The following EEIG2 variants were observed in gnomAD, a reference collection of about 807,000 sequenced individuals.
The protein encoded by EEIG2 is family with sequence similarity 102 member B.
the EEIG2 span, among the ~76,000 whole-genome samples, chr1:108,562,410 A>G: frequency 6.6e-6 from 1 of 152,192 alleles, no homozygotes; most frequent in African/African-American, 2.4e-5. Flanking sequence ...GATCAATTTG[A>G]TTTTAAGTAA....
At chr1:108,566,828 A>G in the EEIG2 span, among the ~76,000 whole-genome samples, 2 of 152,198 alleles carry the variant, frequency 1.3e-5, no homozygotes, top group African/African-American at 4.8e-5. Context: ...GATATAAAAA[A>G]GGTGAACTCA....
the EEIG2 span, among the ~76,000 whole-genome samples, chr1:108,574,704 C>T: frequency 1.3e-5 from 2 of 152,274 alleles, no homozygotes; most frequent in East Asian, 3.9e-4. Flanking sequence ...GAGCTGAGAT[C>T]GTGCCATTGC....
the EEIG2 span, among the ~76,000 whole-genome samples, chr1:108,634,597 G>C: frequency 6.6e-6 from 1 of 152,212 alleles, no homozygotes; most frequent in Non-Finnish European, 1.5e-5. Flanking sequence ...GGAAGGCTGA[G>C]TTAGGAGGAT....
the EEIG2 span, among the ~76,000 whole-genome samples, chr1:108,613,859 C>G: frequency 6.6e-6 from 1 of 152,090 alleles, no homozygotes; most frequent in Non-Finnish European, 1.5e-5. Context: ...TTCTATGAGT[C>G]TAAGGCTTCT....
chr1:108,591,396 A>G, the EEIG2 span, among the ~76,000 whole-genome samples: 1 of 152,236 alleles, frequency 6.6e-6, no homozygotes, highest in African/African-American at 2.4e-5. Flanking sequence ...ATTGTTTGAG[A>G]ATCCAAGGCT....
At chr1:108,573,201 A>G in the EEIG2 span, among the ~76,000 whole-genome samples, 1 of 152,230 alleles carries the variant, frequency 6.6e-6, no homozygotes, top group African/African-American at 2.4e-5. Flanking sequence ...CAATGAGGGC[A>G]ATTATTAGGA....
At chr1:108,633,365 T>C in the EEIG2 span, among the ~76,000 whole-genome samples, 1 of 152,256 alleles carries the variant, frequency 6.6e-6, no homozygotes, top group Non-Finnish European at 1.5e-5. Context: ...CACAGCTCAC[T>C]GCAGCCTCCA....
chr1:108,634,227 G>A, the EEIG2 span, among the ~76,000 whole-genome samples: 1 of 152,188 alleles, frequency 6.6e-6, no homozygotes, highest in Non-Finnish European at 1.5e-5. Context: ...CTGATTTTCT[G>A]TAGGATGAAT....
At chr1:108,621,938 C>T in the EEIG2 span, among the ~76,000 whole-genome samples, 2 of 152,092 alleles carry the variant, frequency 1.3e-5, no homozygotes, top group Admixed American at 1.3e-4. Context: ...GGATGGATCA[C>T]CTGAGGCCAG....
chr1:108,594,165 T>A, the EEIG2 span, among the ~76,000 whole-genome samples: 1 of 151,532 alleles, frequency 6.6e-6, no homozygotes, highest in African/African-American at 2.4e-5. Context: ...TCCATCAGAG[T>A]AAAAAAAATG....
chr1:108,579,890 G>A, the EEIG2 span, among the ~76,000 whole-genome samples: 1 of 151,942 alleles, frequency 6.6e-6, no homozygotes. Context: ...CAGTTATCCT[G>A]AGTAGCTGAG....
At chr1:108,601,129 C>T in the EEIG2 span, among the ~76,000 whole-genome samples, 8 of 151,918 alleles carry the variant, frequency 5.3e-5, no homozygotes, top group Admixed American at 4.6e-4. Flanking sequence ...ATGGCAAAGT[C>T]GGGACTCAAA....
chr1:108,585,732 A>G, the EEIG2 span, among the ~76,000 whole-genome samples: 1 of 152,106 alleles, frequency 6.6e-6, no homozygotes, highest in Admixed American at 6.6e-5. Flanking sequence ...GTGCTGAATT[A>G]TTGTAATATC....
the EEIG2 span, chr1:108,628,533 C>T: frequency 6.2e-7 from 1 of 1,613,900 alleles, no homozygotes; most frequent in Non-Finnish European, 8.5e-7. Flanking sequence ...ATCGCTGAGC[C>T]AAATCTTGAT....
chr1:108,585,533 C>T, the EEIG2 span, among the ~76,000 whole-genome samples: 5 of 152,076 alleles, frequency 3.3e-5, no homozygotes, highest in African/African-American at 4.8e-5. Context: ...CAGGTCTGTG[C>T]CACTCAAGGA....
At chr1:108,560,307 C>A in the EEIG2 span, 1 of 768,678 alleles carries the variant, frequency 1.3e-6, no homozygotes, top group Non-Finnish European at 1.6e-6. Flanking sequence ...CGGCGCCCCC[C>A]GGCCGCGCCC....
At chr1:108,573,903 G>A in the EEIG2 span, among the ~76,000 whole-genome samples, 1 of 152,224 alleles carries the variant, frequency 6.6e-6, no homozygotes, top group Admixed American at 6.5e-5. Context: ...TGTTGGCAAT[G>A]ATGTGGAGAA....
At chr1:108,591,283 G>C in the EEIG2 span, among the ~76,000 whole-genome samples, 4 of 152,172 alleles carry the variant, frequency 2.6e-5, no homozygotes, top group Non-Finnish European at 4.4e-5. Flanking sequence ...ACAGCTTTCT[G>C]ATAGCTGTGT....
chr1:108,633,769 TAC>T, the EEIG2 span, among the ~76,000 whole-genome samples: 6 of 152,326 alleles, frequency 3.9e-5, no homozygotes, highest in South Asian at 1.2e-3. Context: ...TCTATGGGTT[TAC>T]AGTTTTCATC....
Sources: allele counts gnomAD v4.1 joint callset (sites outside exome capture counted in the v4.1 genomes callset), GRCh38; gene constraint gnomAD v4.1.1; transcripts MANE v1.5; gene names NCBI Gene and HGNC (gene_info 2026-07-23, HGNC 2026-07-21).